Variants in PTCHD4 observed in about 807,000 individuals in gnomAD.
PTCHD4 encodes the protein patched domain-containing protein 4.
A neutral mutation model predicts 58.1 loss-of-function variants in PTCHD4; 33 were observed. The ratio of observed to expected loss-of-function variants is 0.57; its 90% CI spans 0.43 to 0.76. The LOEUF (loss-of-function observed/expected upper bound fraction) is 0.76. PTCHD4 is among the 30% of genes least tolerant of loss of function. The probability of loss-of-function intolerance (pLI) is 0.00; values close to 1 mark genes in which losing one functional copy is unlikely to be tolerated. For missense variants in PTCHD4, 1,058 were observed against 1,027.1 expected (o/e 1.03, Z -0.41); for synonymous variants, 478 against 409.6 (o/e 1.17, Z -2.02).
intron 3 of PTCHD4, among the ~76,000 whole-genome samples, chr6:48,046,037 G>A (rs1764025402): frequency 6.6e-6 from 1 of 151,716 alleles, no homozygotes; most frequent in Non-Finnish European, 1.5e-5. Context: ...ACAATTTGTT[G>A]GAACTAGATA....
rs1763537687 is a variant in PTCHD4, at chr6:47,865,431, A to C, written c.*12872T>G. On this transcript the variant is annotated 3_prime_UTR_variant, in exon 5 of 5. Coordinates refer to ENST00000339488, the MANE Select transcript of PTCHD4 (RefSeq NM_001384253.1). ...ATAAAAATGGGCCACGCTGCATGTC[A>C]AAACCACAGGAATGTGAAGATTAAA... is the stretch of plus-strand genomic sequence containing the variant. Among the ~76,000 whole-genome samples, 1 of 151,924 alleles carries C rather than the reference A, an allele frequency of 6.6e-6. No individual in the cohort carries two copies. Among genetic ancestry groups the C allele is most frequent in the African/African-American group, 2.4e-5 (1 of 41,412 alleles).
At chr6:47,905,449 AT>A (rs1374508434) in intron 4 of PTCHD4, among the ~76,000 whole-genome samples, 1 of 152,178 alleles carries the variant, frequency 6.6e-6, no homozygotes, top group Non-Finnish European at 1.5e-5. Flanking sequence ...ACTAAATATT[AT>A]TCTGGGTTCT....
chr6:47,939,906 T>C (rs1481918590), intron 4 of PTCHD4, among the ~76,000 whole-genome samples: 3 of 152,216 alleles, frequency 2.0e-5, no homozygotes, highest in Admixed American at 2.0e-4. Context: ...CTTTTACCTC[T>C]GGTTTGATGC....
At position 47,864,203 on chromosome 6, in the gene PTCHD4, A is replaced by G. The variant is rs922783656; in HGVS notation, c.*14100T>C. Among the ~76,000 whole-genome samples the G allele has an allele frequency of 1.3e-5, 2 of 151,836 alleles. No individual in the cohort carries two copies. On this transcript the variant is annotated 3_prime_UTR_variant, in exon 5 of 5. Transcript: ENST00000339488. ...ATCTATTGAATCAGAACCTCTGGAG[A>G]TGGGGATATGCAGGCTGTGCTTTGA...
intron 4 of PTCHD4, among the ~76,000 whole-genome samples, chr6:47,989,970 G>C (rs755084622): frequency 1.3e-5 from 2 of 152,172 alleles, no homozygotes; most frequent in Non-Finnish European, 2.9e-5. Flanking sequence ...AACCAGGAGG[G>C]GGACTCTACC....
chr6:47,995,893 T>C (rs1768468721), intron 4 of PTCHD4, among the ~76,000 whole-genome samples: 1 of 152,194 alleles, frequency 6.6e-6, no homozygotes, highest in Non-Finnish European at 1.5e-5. Context: ...ATGTCTAGTA[T>C]AATTTCTACC....
intron 1 of PTCHD4, among the ~76,000 whole-genome samples, chr6:48,083,372 G>A (rs985028544): frequency 2.0e-5 from 3 of 152,032 alleles, no homozygotes; most frequent in Non-Finnish European, 4.4e-5. Context: ...AGTAATAATA[G>A]AGTATAATTT....
At chr6:48,067,575 ACACT>A (rs1764842823) in intron 3 of PTCHD4, among the ~76,000 whole-genome samples, 1 of 152,170 alleles carries the variant, frequency 6.6e-6, no homozygotes, top group African/African-American at 2.4e-5. Flanking sequence ...TTTCAGACAC[ACACT>A]CACACGGCAC....
At chr6:47,900,495 C>T (rs956060194) in intron 4 of PTCHD4, 2 of 152,136 alleles carry the variant, frequency 1.3e-5, no homozygotes, top group African/African-American at 4.8e-5. Flanking sequence ...TGTAATAGTC[C>T]TTTAAATATT....
rs1763783172 is a variant in PTCHD4, at chr6:47,873,959, G to A, written c.*4344C>T. 6.6e-6 allele frequency among the ~76,000 whole-genome samples: 1 copy of A among 151,706 alleles called. No individual in the cohort carries two copies. The highest frequency in any genetic ancestry group is 6.6e-5 in the Admixed American group (1 of 15,186). On this transcript the variant is annotated 3_prime_UTR_variant, in exon 5 of 5. Transcript: ENST00000339488. ...GCAAAGATTGCCAATATCCTTCGCA[G>A]ACACCAACAAACCAGACTGAACAGA...
chr6:47,982,286 C>T (rs2114012321), intron 4 of PTCHD4, among the ~76,000 whole-genome samples: 1 of 152,220 alleles, frequency 6.6e-6, no homozygotes, highest in Admixed American at 6.5e-5. Context: ...AGGCTGATAT[C>T]AAGTCCCATC....
At chr6:48,085,422 C>G (rs1765244835) in intron 1 of PTCHD4, among the ~76,000 whole-genome samples, 1 of 152,116 alleles carries the variant, frequency 6.6e-6, no homozygotes, top group South Asian at 2.1e-4. Context: ...ATTTTCCAGT[C>G]ACTTCAAACT....
intron 1 of PTCHD4, among the ~76,000 whole-genome samples, chr6:48,086,956 C>CAAAATT (rs1765277677): frequency 6.6e-6 from 1 of 151,822 alleles, no homozygotes; most frequent in African/African-American, 2.4e-5. Flanking sequence ...CTATTTTTTT[C>CAAAATT]AAAATTATAT....
chr6:47,913,712 C>T (rs2113871389), intron 4 of PTCHD4, among the ~76,000 whole-genome samples: 1 of 152,254 alleles, frequency 6.6e-6, no homozygotes, highest in East Asian at 1.9e-4. Flanking sequence ...CTAACCACTT[C>T]TCATTTCAAG....
chr6:48,050,099 A>G (rs1764176899), intron 3 of PTCHD4, among the ~76,000 whole-genome samples: 1 of 152,038 alleles, frequency 6.6e-6, no homozygotes, highest in Non-Finnish European at 1.5e-5. Flanking sequence ...TTGTTAATAG[A>G]AAAAGGAATA....
chr6:47,924,147 G>T lies in PTCHD4; in HGVS notation c.899-44211C>A, dbSNP rs1295265856. Among the ~76,000 whole-genome samples the T allele has an allele frequency of 2.0e-5, 3 of 152,100 alleles. No homozygotes were observed. The East Asian group carries it at 5.8e-4, about 30-fold the overall frequency. The stretch of plus-strand genomic sequence containing the variant: ...CTATCTTGGTCAAAGTCAGCATCTG[G>T]TTCTTGTGAGCCTCCCCCTCATCCC... On this transcript the variant is annotated intron_variant, in intron 4 of 4. Coordinates refer to ENST00000339488, the MANE Select transcript of PTCHD4 (RefSeq NM_001384253.1).
At chr6:47,985,506 A>G (rs1017039969) in intron 4 of PTCHD4, among the ~76,000 whole-genome samples, 3 of 152,138 alleles carry the variant, frequency 2.0e-5, no homozygotes, top group African/African-American at 7.2e-5. Flanking sequence ...AAATATGTAA[A>G]AAAGTAGAAC....
chr6:47,968,719 A>G (rs144892343), intron 4 of PTCHD4, among the ~76,000 whole-genome samples: 26 of 152,194 alleles, frequency 1.7e-4, no homozygotes, highest in African/African-American at 6.0e-4. Flanking sequence ...GAAGGTGGAC[A>G]GGAAAATATG....
At chr6:47,917,167 AT>A (rs1765285203) in intron 4 of PTCHD4, among the ~76,000 whole-genome samples, 1 of 151,992 alleles carries the variant, frequency 6.6e-6, no homozygotes, top group South Asian at 2.1e-4. Context: ...ACATAATTAT[AT>A]TTTTCAAAAT....
Sources: gnomAD v4.1 joint callset for allele counts (sites outside exome capture counted in the v4.1 genomes callset) on GRCh38, gnomAD v4.1.1 for gene constraint, MANE v1.5 for transcripts, NCBI Gene and HGNC (gene_info 2026-07-23, HGNC 2026-07-21) for gene names.